Variants in RBMS1 observed in about 807,000 individuals in gnomAD.
RBMS1 encodes the protein RNA binding motif single stranded interacting protein 1.
Under a neutral mutation model 62.3 loss-of-function variants are expected in RBMS1, and 17 were observed. The observed-to-expected ratio is 0.27, with a 90% confidence interval of 0.19 to 0.41. The LOEUF is 0.41. Ranked by LOEUF, RBMS1 falls within the 10% of genes least tolerant of loss-of-function variation. The pLI is 1.00. For missense variants in RBMS1, 334 were observed against 504.5 expected (o/e 0.66, Z 3.24); for synonymous variants, 172 against 170.0 (o/e 1.01, Z -0.09).
intron 1 of RBMS1, among the ~76,000 whole-genome samples, chr2:160,383,318 C>T (rs1014565339): frequency 2.1e-4 from 32 of 152,100 alleles, no homozygotes; most frequent in Admixed American, 1.1e-3. Context: ...GCATCCTATC[C>T]TCTTCTTGAA....
At chr2:160,409,056 T>C (rs137979083) in intron 1 of RBMS1, among the ~76,000 whole-genome samples, 87 of 152,286 alleles carry the variant, frequency 5.7e-4, no homozygotes, top group Non-Finnish European at 9.6e-4. Flanking sequence ...AGGAAAACAG[T>C]GTCCCCTATG....
chr2:160,477,417 T>C (rs1299716220), intron 1 of RBMS1, among the ~76,000 whole-genome samples: 1 of 152,120 alleles, frequency 6.6e-6, no homozygotes, highest in East Asian at 1.9e-4. Flanking sequence ...GCATTTTTCT[T>C]CCCTAAGGGA....
chr2:160,485,389 A>G (rs1685558387), intron 1 of RBMS1, among the ~76,000 whole-genome samples: 1 of 152,212 alleles, frequency 6.6e-6, no homozygotes, highest in Non-Finnish European at 1.5e-5. Context: ...CTGGAAATCT[A>G]ACTCTGAAAA....
intron 1 of RBMS1, among the ~76,000 whole-genome samples, chr2:160,434,214 A>G (rs539027013): frequency 3.3e-5 from 5 of 152,352 alleles, no homozygotes; most frequent in Admixed American, 2.0e-4. Flanking sequence ...AACTGTAGTC[A>G]CTAGTTCATG....
intron 6 of RBMS1, among the ~76,000 whole-genome samples, chr2:160,291,880 T>C (rs148956232): frequency 6.6e-6 from 1 of 152,218 alleles, no homozygotes; most frequent in Non-Finnish European, 1.5e-5. Context: ...AAAAACTCCA[T>C]ACCTCCCATG....
At chr2:160,278,417 A>G in intron 11 of RBMS1, 131 bp downstream of exon 11, 2 of 742,044 alleles carry the variant, frequency 2.7e-6, no homozygotes, top group Non-Finnish European at 4.7e-6. Context: ...ATGGAAGGTC[A>G]TGTGGGGGGA....
At chr2:160,382,833 GTAGTTTACT>G (rs1283761215) in intron 1 of RBMS1, among the ~76,000 whole-genome samples, 1 of 151,420 alleles carries the variant, frequency 6.6e-6, no homozygotes, top group Non-Finnish European at 1.5e-5. Flanking sequence ...CAACACTAAC[GTAGTTTACT>G]TAATTTTTTT....
At chr2:160,281,255 G>A in intron 10 of RBMS1, 59 bp downstream of exon 10, 1 of 1,371,702 alleles carries the variant, frequency 7.3e-7, no homozygotes, top group Non-Finnish European at 1.0e-6. Context: ...TTTTAACCTA[G>A]AGAGAATATA....
At chr2:160,328,612 C>A (rs997267729) in intron 2 of RBMS1, among the ~76,000 whole-genome samples, 1 of 152,042 alleles carries the variant, frequency 6.6e-6, no homozygotes, top group Non-Finnish European at 1.5e-5. Context: ...AGGAGGGAAG[C>A]AAGGCAATTT....
intron 1 of RBMS1, among the ~76,000 whole-genome samples, chr2:160,369,827 C>T (rs952857939): frequency 2.0e-5 from 3 of 152,136 alleles, no homozygotes; most frequent in Non-Finnish European, 2.9e-5. Context: ...AAGGGAGTGG[C>T]GGGCATGCAC....
intron 10 of RBMS1, chr2:160,279,593 T>C (rs1195060607): frequency 6.6e-6 from 1 of 152,246 alleles, no homozygotes; most frequent in Admixed American, 6.5e-5. Context: ...GTTACATTGA[T>C]TGTATAAACC....
chr2:160,367,276 A>C lies in RBMS1; in HGVS notation c.191T>G (p.Leu64Arg). The change falls in exon 2 of 14, where the codon CTC becomes CGC. Residue 64 changes from leucine (L) to arginine (R), a missense_variant. By Grantham distance (102) the Leu-to-Arg change is moderately radical (BLOSUM62 -2). Around this residue, in one of 3 missense-constraint regions of RBMS1, gnomAD observed 150 missense variants for 228.0 expected, o/e 0.66. Coordinates refer to ENST00000348849, the MANE Select transcript of RBMS1 (RefSeq NM_016836.4). ...SGWDQLSKTN[L>R]YIRGLPPHTT... ...GTGGGGAGGCAGTCCTCGGATATAG[A>C]GGTTCGTTTTGCTGAGCTGATCCCA... The C allele has an allele frequency of 6.2e-7, 1 of 1,609,830 alleles. No homozygotes were observed. The highest frequency in any genetic ancestry group is 8.5e-7 in the Non-Finnish European group (1 of 1,177,444).
At chr2:160,332,826 T>C (rs1192886728) in intron 2 of RBMS1, among the ~76,000 whole-genome samples, 1 of 150,972 alleles carries the variant, frequency 6.6e-6, no homozygotes, top group Non-Finnish European at 1.5e-5. Context: ...TTACATGACA[T>C]GGTTTTATAT....
At chr2:160,427,997 G>T (rs1682712850) in intron 1 of RBMS1, among the ~76,000 whole-genome samples, 1 of 151,596 alleles carries the variant, frequency 6.6e-6, no homozygotes. Flanking sequence ...GGAATCTCTG[G>T]TCTCTGTTTG....
At chr2:160,307,704 A>G (rs933402041) in intron 4 of RBMS1, among the ~76,000 whole-genome samples, 2 of 152,206 alleles carry the variant, frequency 1.3e-5, no homozygotes, top group African/African-American at 2.4e-5. Flanking sequence ...TTAATTCTCA[A>G]TATCTGCCCA....
intron 1 of RBMS1, among the ~76,000 whole-genome samples, chr2:160,409,839 A>G (rs1460346706): frequency 2.0e-5 from 3 of 152,232 alleles, no homozygotes; most frequent in South Asian, 4.1e-4. Context: ...TTATGGGGAT[A>G]AGAAAAGTTT....
intron 1 of RBMS1, among the ~76,000 whole-genome samples, chr2:160,405,681 T>C (rs1285392863): frequency 6.6e-6 from 1 of 152,160 alleles, no homozygotes; most frequent in African/African-American, 2.4e-5. Context: ...CTTTTAGTCT[T>C]TGAATCTAAG....
At chr2:160,454,345 C>G (rs748872943) in intron 1 of RBMS1, among the ~76,000 whole-genome samples, 2 of 152,152 alleles carry the variant, frequency 1.3e-5, no homozygotes, top group Non-Finnish European at 2.9e-5. Flanking sequence ...GCTAGGTACA[C>G]AGTTGTGAAT....
intron 1 of RBMS1, among the ~76,000 whole-genome samples, chr2:160,443,319 A>C (rs759989121): frequency 6.6e-6 from 1 of 152,130 alleles, no homozygotes; most frequent in Non-Finnish European, 1.5e-5. Flanking sequence ...TCATAGTATA[A>C]TGACAATCAT....
Sources: allele counts gnomAD v4.1 joint callset (sites outside exome capture counted in the v4.1 genomes callset), GRCh38; gene constraint gnomAD v4.1.1; regional missense constraint gnomAD v4.1.1; transcripts MANE v1.5; gene names NCBI Gene and HGNC (gene_info 2026-07-23, HGNC 2026-07-21).